Variants in FAM228B observed in about 807,000 individuals in gnomAD.
FAM228B encodes the protein family with sequence similarity 228 member B, also known as protein FAM228B.
FAM228B carries 38 observed loss-of-function variants against 42.6 expected under a neutral mutation model. The ratio of observed to expected loss-of-function variants is 0.89; its 90% CI spans 0.69 to 1.17. FAM228B has a LOEUF of 1.17. FAM228B is among the 50% of genes most tolerant of loss of function. FAM228B has a pLI of 0.00. For missense variants in FAM228B, 344 were observed against 367.3 expected (o/e 0.94, Z 0.52); for synonymous variants, 109 against 122.3 (o/e 0.89, Z 0.72).
upstream of FAM228B, chr2:24,119,734 C>A: frequency 7.2e-7 from 1 of 1,380,054 alleles, no homozygotes; most frequent in South Asian, 1.2e-5. Flanking sequence ...ATCACAGGAC[C>A]AGTGGTCATG....
At chr2:24,109,503 C>T (rs1343212577) in intron 3 of FAM228B, among the ~76,000 whole-genome samples, 3 of 152,142 alleles carry the variant, frequency 2.0e-5, no homozygotes, top group African/African-American at 7.2e-5. Flanking sequence ...ACAGAGTAAA[C>T]AGACAACCTA....
At chr2:24,094,486 C>A (rs1023300874) in intron 2 of FAM228B, among the ~76,000 whole-genome samples, 6 of 152,088 alleles carry the variant, frequency 3.9e-5, no homozygotes, top group African/African-American at 1.2e-4. Flanking sequence ...TTAAAACAGG[C>A]TTTTTCCCCC....
chr2:24,139,431 A>G lies in FAM228B; in HGVS notation c.422A>G (p.Lys141Arg). ...KEYDPFYMSKKDPNFLKVTIP... is the reference protein window; with the variant it reads ...KEYDPFYMSKRDPNFLKVTIP... ...TATGATCCCTTTTATATGAGCAAGA[A>G]GGACCCCAATTTTCTGAAGGTAGGG... Residue 141 changes from lysine (K) to arginine (R), a missense_variant, in exon 5 of 11, where the codon AAG becomes AGG. Transcript: ENST00000615575. 3 of 1,547,132 alleles carry G rather than the reference A, an allele frequency of 1.9e-6. No individual in the cohort carries two copies. Among genetic ancestry groups the G allele is most frequent in the South Asian group, 1.2e-5 (1 of 83,778 alleles).
At position 24,084,379 on chromosome 2, in the gene FAM228B, GGC is replaced by G; in HGVS notation, c.-210+3425_-210+3426del. 1 of 1,382,582 alleles carries G rather than the reference GGC, an allele frequency of 7.2e-7. No homozygotes were observed. The highest frequency in any genetic ancestry group is 1.4e-5 in the African/African-American group (1 of 71,716). The allele number at this position is 1,382,582 out of a possible 1,614,324, so 85.6% of individuals were successfully genotyped here. On this transcript the variant is annotated intron_variant, in intron 2 of 10. Transcript: ENST00000613899. This position sits in a 1 kb window ranked among gnomAD's most constrained non-coding sequence, Gnocchi z 8.4. ...GGCAGGACAGGACAGGGCAGGGCAG[GGC>G]AGGACAGGACAGGGCAGGGCAGGAC...
At chr2:24,118,477 C>T (rs151094521), upstream of FAM228B, among the ~76,000 whole-genome samples, 220 of 152,332 alleles carry the variant, frequency 1.4e-3, 2 homozygotes, top group African/African-American at 3.7e-3. Flanking sequence ...GCCTACCCAA[C>T]ATCAGACACT....
chr2:24,156,055 G>C (rs6726064), intron 7 of FAM228B, among the ~76,000 whole-genome samples: 126,184 of 152,146 alleles, frequency 0.83, 54,179 homozygotes, highest in Non-Finnish European at 0.93. Context: ...AGTGCTTAAC[G>C]ACTAAGACAG....
chr2:24,140,639 C>T (rs1306371094), intron 5 of FAM228B, among the ~76,000 whole-genome samples: 1 of 152,084 alleles, frequency 6.6e-6, no homozygotes, highest in East Asian at 1.9e-4. Flanking sequence ...TTAACTATAG[C>T]CATCATATTG....
In FAM228B at chr2:24,091,269, T is replaced by G. The variant is rs545643131; in HGVS notation, c.-209-3872T>G. On this transcript the variant is annotated intron_variant, in intron 2 of 10. Transcript: ENST00000613899. The stretch of plus-strand genomic sequence containing the variant: ...TAACACGGTGAAACCCCGCCTCTAC[T>G]AAAAATACAAAAAATTAGCCGGGCG... 1.3e-3 allele frequency among the ~76,000 whole-genome samples: 198 copies of G among 152,104 alleles called. 1 individual carries two copies. Among genetic ancestry groups the G allele is most frequent in the African/African-American group, 4.5e-3 (185 of 41,518 alleles).
At chr2:24,162,442 A>C (rs1422130297) in intron 8 of FAM228B, among the ~76,000 whole-genome samples, 1 of 152,220 alleles carries the variant, frequency 6.6e-6, no homozygotes, top group Non-Finnish European at 1.5e-5. Context: ...TATCTGGTTA[A>C]AAGTCGTGCT....
intron 2 of FAM228B, among the ~76,000 whole-genome samples, chr2:24,083,590 C>T (rs530719372): frequency 1.4e-4 from 22 of 152,320 alleles, no homozygotes; most frequent in African/African-American, 5.1e-4. Flanking sequence ...TCAAAGTACA[C>T]GTGCCTGGGC....
intron 7 of FAM228B, among the ~76,000 whole-genome samples, chr2:24,151,733 A>C (rs1667028458): frequency 6.6e-6 from 1 of 151,104 alleles, no homozygotes; most frequent in African/African-American, 2.4e-5. Context: ...CCCAGGCTGC[A>C]GTGCAGTGGT....
chr2:24,142,063 C>T (rs1011669726), intron 5 of FAM228B, among the ~76,000 whole-genome samples: 1 of 152,202 alleles, frequency 6.6e-6, no homozygotes, highest in Admixed American at 6.5e-5. Context: ...CTCGGGTAGG[C>T]TCTGCAGGCT....
intron 10 of FAM228B, among the ~76,000 whole-genome samples, chr2:24,168,676 T>C (rs1013012695): frequency 6.6e-6 from 1 of 152,126 alleles, no homozygotes. Context: ...ATCAGCGATA[T>C]TGATATTATA....
At chr2:24,155,880 T>C (rs1193062253) in intron 7 of FAM228B, among the ~76,000 whole-genome samples, 1 of 152,156 alleles carries the variant, frequency 6.6e-6, no homozygotes, top group Non-Finnish European at 1.5e-5. Flanking sequence ...GAATTTCCTA[T>C]ATATCCTATA....
At chr2:24,091,894 A>G (rs2150991919) in intron 2 of FAM228B, among the ~76,000 whole-genome samples, 1 of 152,284 alleles carries the variant, frequency 6.6e-6, no homozygotes, top group East Asian at 1.9e-4. Context: ...GTTAGAGTGT[A>G]TGTGGAAGAA....
At chr2:24,101,926 C>T (rs971769084) in intron 3 of FAM228B, among the ~76,000 whole-genome samples, 1 of 152,132 alleles carries the variant, frequency 6.6e-6, no homozygotes, top group Non-Finnish European at 1.5e-5. Context: ...TTGTGATCTG[C>T]CCGCCTTGGC....
chr2:24,102,404 A>G (rs1236386852), intron 3 of FAM228B, among the ~76,000 whole-genome samples: 1 of 152,226 alleles, frequency 6.6e-6, no homozygotes, highest in African/African-American at 2.4e-5. Flanking sequence ...TTTTTGCTAA[A>G]TTTTTTGGAT....
intron 7 of FAM228B, among the ~76,000 whole-genome samples, chr2:24,155,769 G>A (rs1172628583): frequency 1.3e-5 from 2 of 151,882 alleles, no homozygotes; most frequent in Non-Finnish European, 2.9e-5. Flanking sequence ...TCGAACTCCT[G>A]ACCTCAGGTG....
In FAM228B at chr2:24,155,531, A is replaced by ATTT. The variant is rs70944720; in HGVS notation, c.687-5951_687-5949dup. On this transcript the variant is annotated intron_variant, in intron 7 of 10. Coordinates refer to ENST00000615575, the MANE Select transcript of FAM228B (RefSeq NM_001145710.2). ...TATATATATATATATATATATATAT[A>ATTT]TTTTTTTTTTTTTTTTTTTTTTTTT... Among the ~76,000 whole-genome samples, 14 of 13,044 alleles carry ATTT rather than the reference A, an allele frequency of 1.1e-3. 2 individuals are homozygous for ATTT. Among genetic ancestry groups the ATTT allele is most frequent in the African/African-American group, 2.4e-3 (11 of 4,626 alleles). 8.6% of individuals were successfully genotyped at this position (13,044 alleles called of 152,430 possible).
Sources: gnomAD v4.1 joint callset for allele counts (sites outside exome capture counted in the v4.1 genomes callset) on GRCh38, gnomAD v4.1.1 for gene constraint, Gnocchi (gnomAD v3.1) non-coding constraint, MANE v1.5 for transcripts, NCBI Gene and HGNC (gene_info 2026-07-23, HGNC 2026-07-21) for gene names.